Variants in CD4 observed in about 807,000 individuals in gnomAD.
CD4 encodes the protein CD4 molecule, also known as T-cell surface glycoprotein CD4.
CD4 carries 25 observed loss-of-function variants against 50.5 expected under a neutral mutation model. The ratio of observed to expected loss-of-function variants is 0.49; its 90% confidence interval spans 0.36 to 0.69. CD4 has a LOEUF of 0.69. Among genes scored for constraint, CD4 ranks in the 30% least tolerant of loss-of-function variants. CD4 has a pLI of 0.00. For synonymous variants in CD4, 207 were observed against 221.9 expected (o/e 0.93, Z 0.60); for missense variants, 456 against 548.5 (o/e 0.83, Z 1.68).
Position 6,807,352 on chromosome 12 carries a change from T to C in CD4, c.215-6790T>C, listed in dbSNP as rs1942795672. ...TAGATGTCCTTCAACTGGTGAATGA[T>C]TACATCCATACCACGAAATACTTTT... On this transcript the variant is annotated intron_variant, in intron 3 of 9. Transcript: ENST00000011653. Among the ~76,000 whole-genome samples, 3 of 152,252 alleles carry C rather than the reference T, an allele frequency of 2.0e-5. No homozygotes were observed. The South Asian group carries it at 6.2e-4, about 32-fold the overall frequency.
intron 1 of CD4, among the ~76,000 whole-genome samples, chr12:6,795,096 G>GTA (rs1309153104): frequency 7.9e-5 from 6 of 75,788 alleles, no homozygotes; most frequent in African/African-American, 3.1e-4. Flanking sequence ...CTAAATGTCT[G>GTA]TCTCTATCTA....
intron 1 of CD4, among the ~76,000 whole-genome samples, 197 bp downstream of exon 1, chr12:6,789,859 C>T (rs1942099059): frequency 6.6e-6 from 1 of 152,244 alleles, no homozygotes; most frequent in African/African-American, 2.4e-5. Flanking sequence ...CTGTGCTAGA[C>T]TCCTCTCTGC....
At chr12:6,800,551 G>A in intron 3 of CD4, 80 bp downstream of exon 3, 1 of 1,289,144 alleles carries the variant, frequency 7.8e-7, no homozygotes, top group Admixed American at 2.5e-5. Flanking sequence ...TCTGGTCTTA[G>A]TTAAACTCTG....
intron 1 of CD4, among the ~76,000 whole-genome samples, chr12:6,795,564 A>G (rs1341841247): frequency 2.0e-5 from 3 of 152,212 alleles, no homozygotes; most frequent in Non-Finnish European, 4.4e-5. Context: ...GGGGTTATTC[A>G]CATAGGTTAA....
intron 1 of CD4, among the ~76,000 whole-genome samples, chr12:6,797,646 G>A (rs1942411210): frequency 6.6e-6 from 1 of 151,964 alleles, no homozygotes; most frequent in Non-Finnish European, 1.5e-5. Flanking sequence ...GTGAGGAGAG[G>A]GTCAGCAGAA....
intron 3 of CD4, among the ~76,000 whole-genome samples, chr12:6,811,461 A>ATTTTTTCTTTTC (rs797034506): frequency 1.5e-5 from 2 of 135,576 alleles, no homozygotes; most frequent in African/African-American, 2.7e-5. Flanking sequence ...TTTTTAAAAC[A>ATTTTTTCTTTTC]TTTTTTCTTT....
At chr12:6,808,010 G>C (rs925868069) in intron 3 of CD4, among the ~76,000 whole-genome samples, 1 of 149,976 alleles carries the variant, frequency 6.7e-6, no homozygotes, top group African/African-American at 2.5e-5. Context: ...AACCCGGGAG[G>C]TGGAGGTTGC....
intron 1 of CD4, among the ~76,000 whole-genome samples, chr12:6,794,644 T>C (rs1349211329): frequency 2.0e-5 from 3 of 151,566 alleles, no homozygotes; most frequent in African/African-American, 7.3e-5. Flanking sequence ...AGTGCTGGAA[T>C]TACAGGTGTG....
intron 7 of CD4, among the ~76,000 whole-genome samples, chr12:6,817,932 C>T (rs1055782764): frequency 6.6e-6 from 1 of 152,084 alleles, no homozygotes; most frequent in Admixed American, 6.6e-5. Flanking sequence ...CACGTACACT[C>T]ACACACTTAT....
chr12:6,800,006 T>G, intron 1 of CD4, 66 bp from the exon 2 acceptor site: 1 of 768,238 alleles, frequency 1.3e-6, no homozygotes. Context: ...GGAGAGGTTG[T>G]GTATCGCCCC....
At position 6,819,415 on chromosome 12, in the gene CD4, AT is replaced by A; in HGVS notation, c.*87del. Reference sequence around the variant, plus strand: ...CCTGCGGACCAGATGAATGTAGCAGATCCCCAGCCTCTGGCCTCCTGTTCGC... The same window carrying A: ...CCTGCGGACCAGATGAATGTAGCAGACCCCAGCCTCTGGCCTCCTGTTCGC... On this transcript the variant is annotated 3_prime_UTR_variant, in exon 10 of 10. Coordinates refer to ENST00000011653, the MANE Select transcript of CD4 (RefSeq NM_000616.5). 1.5e-6 allele frequency: 2 copies of A among 1,314,990 alleles called. No homozygotes were observed. Among genetic ancestry groups the A allele is most frequent in the Non-Finnish European group, 2.2e-6 (2 of 908,594 alleles). 81.5% of individuals were successfully genotyped at this position (1,314,990 alleles called of 1,614,324 possible).
chr12:6,808,419 C>A (rs1163423040), intron 3 of CD4, among the ~76,000 whole-genome samples: 6 of 126,008 alleles, frequency 4.8e-5, no homozygotes, highest in Admixed American at 1.0e-4. Context: ...CTACTGCACT[C>A]CAGCCTGGGT....
In CD4 at chr12:6,798,415, G is replaced by T. The variant is rs782812110; in HGVS notation, c.-67-1657G>T. ...TCTCGATCTCCTGACCTCATGATCCGCCCGCCTTGGCCTCCCAAAATGCTG... is the reference window on the plus strand; with the variant it reads ...TCTCGATCTCCTGACCTCATGATCCTCCCGCCTTGGCCTCCCAAAATGCTG... On this transcript the variant is annotated intron_variant, in intron 1 of 9. Coordinates refer to ENST00000011653, the MANE Select transcript of CD4 (RefSeq NM_000616.5). Among the ~76,000 whole-genome samples, 5 of 87,176 alleles carry T rather than the reference G, an allele frequency of 5.7e-5. 1 individual carries two copies. The South Asian group carries it at 7.2e-4, about 13-fold the overall frequency. 57.2% of individuals were successfully genotyped at this position (87,176 alleles called of 152,430 possible).
rs142478992 is a variant in CD4, at chr12:6,800,149, G to A, written c.11G>A (p.Gly4Glu). 1,654 of 1,614,050 alleles carry A rather than the reference G, an allele frequency of 1.0e-3. 1 individual carries two copies. Among genetic ancestry groups the A allele is most frequent in the Non-Finnish European group, 1.3e-3 (1,511 of 1,179,986 alleles). Residue 4 changes from glycine (G) to glutamate (E), a missense_variant, in exon 2 of 10, where the codon GGA becomes GAA. Gly to Glu is a moderately conservative substitution (Grantham distance 98). Transcript: ENST00000011653. ...CTCGGCAAGGCCACAATGAACCGGG[G>A]AGTCCCTTTTAGGCACTTGCTTCTG... MNRGVPFRHLLLVL... is the reference protein window; with the variant it reads MNREVPFRHLLLVL...
Position 6,800,143 on chromosome 12 carries a change from A to T in CD4, c.5A>T (p.Asn2Ile). M[N>I]RGVPFRHLLL... The stretch of plus-strand genomic sequence containing the variant: ...GCCTCCCTCGGCAAGGCCACAATGA[A>T]CCGGGGAGTCCCTTTTAGGCACTTG... Residue 2 changes from asparagine (N) to isoleucine (I), a missense_variant, in exon 2 of 10, where the codon AAC becomes ATC. Coordinates refer to ENST00000011653, the MANE Select transcript of CD4 (RefSeq NM_000616.5). The T allele has an allele frequency of 1.2e-6, 2 of 1,613,986 alleles. No homozygotes were observed. The highest frequency in any genetic ancestry group is 2.2e-5 in the South Asian group (2 of 91,078).
Position 6,814,879 on chromosome 12 carries a change from G to T in CD4, c.494G>T (p.Gly165Val), listed in dbSNP as rs201435903. The T allele has an allele frequency of 9.3e-6, 15 of 1,613,554 alleles. No homozygotes were observed. The highest frequency in any genetic ancestry group is 1.2e-5 in the Non-Finnish European group (14 of 1,179,686). The change falls in exon 5 of 10, where the codon GGG becomes GTG. Residue 165 changes from glycine to valine, a missense_variant. Coordinates refer to ENST00000011653, the MANE Select transcript of CD4 (RefSeq NM_000616.5). ...CRSPRGKNIQ[G>V]GKTLSVSQLE... ...AGTCCAAGGGGTAAAAACATACAGG[G>T]GGGGAAGACCCTCTCCGTGTCTCAG... is the stretch of plus-strand genomic sequence containing the variant.
intron 1 of CD4, chr12:6,798,967 C>A (rs1339932388): frequency 6.6e-6 from 1 of 152,430 alleles, no homozygotes; most frequent in Non-Finnish European, 1.5e-5. Flanking sequence ...TGGCCTGGCT[C>A]CATGGTCTCC....
rs113108531 is a variant in CD4 at position 6,803,611 on chromosome 12, C to G, written c.214+3140C>G. Among the ~76,000 whole-genome samples the G allele has an allele frequency of 5.9e-3, 847 of 143,116 alleles. 10 individuals carry two copies. Among genetic ancestry groups the G allele is most frequent in the Middle Eastern group, 0.029 (7 of 242 alleles). 93.9% of individuals were successfully genotyped at this position (143,116 alleles called of 152,430 possible). On this transcript the variant is annotated intron_variant, in intron 3 of 9. Transcript: ENST00000011653. Reference sequence around the variant, plus strand: ...CATCCTGGCTAACACGGTGAAACCCCGTCTCTACTAAAAATACCAAAAAAT... The same window carrying G: ...CATCCTGGCTAACACGGTGAAACCCGGTCTCTACTAAAAATACCAAAAAAT...
At position 6,819,298 on chromosome 12, in the gene CD4, G is replaced by A. The variant is rs782577109; in HGVS notation, c.1347-1G>A. The A allele has an allele frequency of 6.2e-7, 1 of 1,614,146 alleles. No individual in the cohort carries two copies. Among genetic ancestry groups the A allele is most frequent in the Non-Finnish European group, 8.5e-7 (1 of 1,179,996 alleles). The stretch of plus-strand genomic sequence containing the variant: ...GCTCCCCTTCTTCTTTGTTCCTGCA[G>A]CCGGTTTCAGAAGACATGTAGCCCC... On this transcript the variant is annotated splice_acceptor_variant, in intron 9 of 9. Transcript: ENST00000011653. LOFTEE classifies it high-confidence loss of function.
Sources: allele counts gnomAD v4.1 joint callset (sites outside exome capture counted in the v4.1 genomes callset), GRCh38; gene constraint gnomAD v4.1.1; transcripts MANE v1.5; gene names NCBI Gene and HGNC (gene_info 2026-07-23, HGNC 2026-07-21).